The following ZNF385B variants were observed in gnomAD, a reference collection of about 807,000 sequenced individuals.
ZNF385B encodes zinc finger protein 385B, also known as zinc finger protein 533.
Under a neutral mutation model 39.2 loss-of-function variants are expected in ZNF385B, and 23 were observed. That is an observed-to-expected ratio of 0.59 (90% CI 0.42 to 0.83). The LOEUF is 0.83. Ranked by LOEUF, ZNF385B falls within the 40% of genes least tolerant of loss-of-function variation. The probability of loss-of-function intolerance (pLI) is 0.00; values close to 1 mark genes in which losing one functional copy is unlikely to be tolerated. For synonymous variants in ZNF385B, 205 were observed against 222.6 expected, an observed-to-expected ratio of 0.92 and a Z score of 0.70; for missense variants, 552 against 598.9, an observed-to-expected ratio of 0.92 and a Z score of 0.82.
chr2:179,495,685 T>C (rs2056129629), intron 5 of ZNF385B, among the ~76,000 whole-genome samples: 1 of 152,088 alleles, frequency 6.6e-6, no homozygotes, highest in Non-Finnish European at 1.5e-5. Flanking sequence ...TTGGGAGAAA[T>C]TAAGGGAAAA....
intron 1 of ZNF385B, among the ~76,000 whole-genome samples, chr2:179,850,983 ACCAGTAATTTG>A (rs1177718105): frequency 6.6e-6 from 1 of 152,218 alleles, no homozygotes; most frequent in Non-Finnish European, 1.5e-5. Context: ...TTGCCATGTG[ACCAGTAATTTG>A]CCTCTTAAGA....
intron 1 of ZNF385B, among the ~76,000 whole-genome samples, chr2:179,783,873 G>A (rs1277161491): frequency 6.6e-6 from 1 of 152,138 alleles, no homozygotes; most frequent in Non-Finnish European, 1.5e-5. Context: ...TACTGTTGCT[G>A]GGAGGGTAAA....
intron 3 of ZNF385B, among the ~76,000 whole-genome samples, chr2:179,557,552 TATAC>T: frequency 1.8e-5 from 2 of 114,124 alleles, no homozygotes; most frequent in Non-Finnish European, 3.7e-5. Context: ...ATATAACATA[TATAC>T]ATGTTATATA....
At chr2:179,805,899 T>C (rs951727243) in intron 1 of ZNF385B, among the ~76,000 whole-genome samples, 2 of 152,206 alleles carry the variant, frequency 1.3e-5, no homozygotes, top group African/African-American at 2.4e-5. Context: ...CTCTAACTTA[T>C]TATGCTAGAC....
Position 179,493,773 on chromosome 2 carries a change from A to ATATACATATGTGTATACATATG in ZNF385B, c.553-10340_553-10339insCATATGTATACACATATGTATA, listed in dbSNP as rs1553572737. 5.4e-5 allele frequency among the ~76,000 whole-genome samples: 4 copies of ATATACATATGTGTATACATATG among 73,940 alleles called. No individual in the cohort carries two copies. In the East Asian group the frequency reaches 1.4e-3, roughly 26 times the overall value. 48.5% of individuals were successfully genotyped at this position (73,940 alleles called of 152,430 possible). A position where few individuals can be genotyped will look rare whatever the true frequency, so the allele number is the denominator to read the frequency against. Reference sequence around the variant, plus strand: ...TGTATATACATATATGTATACATATATGTATATACACATATGTATACATAT... The same window carrying ATATACATATGTGTATACATATG: ...TGTATATACATATATGTATACATATATATACATATGTGTATACATATGTGTATATACACATATGTATACATAT... On this transcript the variant is annotated intron_variant, in intron 5 of 9. Transcript: ENST00000410066.
chr2:179,595,371 G>A (rs1687911042), intron 3 of ZNF385B, among the ~76,000 whole-genome samples: 1 of 152,096 alleles, frequency 6.6e-6, no homozygotes, highest in Admixed American at 6.5e-5. Context: ...TTCCTGTAAA[G>A]CTTAAAAACT....
Position 179,629,459 on chromosome 2 carries a change from T to C in ZNF385B, c.299-84490A>G, listed in dbSNP as rs796494143. On this transcript the variant is annotated intron_variant, in intron 3 of 9. Coordinates refer to ENST00000410066, the MANE Select transcript of ZNF385B (RefSeq NM_152520.6). Reference sequence around the variant, plus strand: ...CTACACTGTATGCATCCCTTATATATGAATAGAGCATTGGGCAAATTCAGA... The same window carrying C: ...CTACACTGTATGCATCCCTTATATACGAATAGAGCATTGGGCAAATTCAGA... 5.5e-5 allele frequency among the ~76,000 whole-genome samples: 8 copies of C among 145,372 alleles called. 1 individual carries two copies. The highest frequency in any genetic ancestry group is 1.9e-4 in the African/African-American group (8 of 41,354).
chr2:179,634,565 G>A (rs1418126014), intron 3 of ZNF385B, among the ~76,000 whole-genome samples: 1 of 152,234 alleles, frequency 6.6e-6, no homozygotes, highest in African/African-American at 2.4e-5. Context: ...AGATGCTGGA[G>A]AGGATGTGGA....
intron 1 of ZNF385B, among the ~76,000 whole-genome samples, chr2:179,824,994 T>C (rs1707601930): frequency 1.3e-5 from 2 of 152,126 alleles, no homozygotes; most frequent in Admixed American, 6.5e-5. Context: ...AGCAAAGAAA[T>C]AGTTCAATTT....
Position 179,778,040 on chromosome 2 carries a change from G to GT in ZNF385B, c.-154-7369dup, listed in dbSNP as rs201584603. Among the ~76,000 whole-genome samples, 1,223 of 152,056 alleles carry GT rather than the reference G, an allele frequency of 8.0e-3. 21 individuals carry two copies. The highest frequency in any genetic ancestry group is 0.027 in the African/African-American group (1,114 of 41,478). On this transcript the variant is annotated intron_variant, in intron 1 of 9. Transcript: ENST00000410066. ...CCCACCTCAGCCTCCCTGTCAAGAG[G>GT]TTTTTTTTAATCATAGAATTGGGCT...
intron 5 of ZNF385B, among the ~76,000 whole-genome samples, chr2:179,490,884 C>T (rs913442816): frequency 6.6e-6 from 1 of 152,148 alleles, no homozygotes; most frequent in South Asian, 2.1e-4. Context: ...GTGATCTGAA[C>T]ACAAATCTTT....
At chr2:179,504,206 T>A (rs2057034751) in intron 5 of ZNF385B, among the ~76,000 whole-genome samples, 1 of 152,062 alleles carries the variant, frequency 6.6e-6, no homozygotes, top group Non-Finnish European at 1.5e-5. Flanking sequence ...GGACATGAAC[T>A]CATCATTTTT....
intron 4 of ZNF385B, among the ~76,000 whole-genome samples, chr2:179,542,486 A>G (rs1218444814): frequency 6.6e-6 from 1 of 152,170 alleles, no homozygotes; most frequent in Non-Finnish European, 1.5e-5. Flanking sequence ...CTATTAATAT[A>G]ATTATTCTTT....
intron 3 of ZNF385B, among the ~76,000 whole-genome samples, chr2:179,592,520 C>T (rs1334214650): frequency 6.6e-6 from 1 of 152,028 alleles, no homozygotes; most frequent in Non-Finnish European, 1.5e-5. Flanking sequence ...GTCTTTACCA[C>T]AGCAGGAACT....
At chr2:179,518,472 C>A in intron 5 of ZNF385B, 56 bp downstream of exon 5, 1 of 1,225,066 alleles carries the variant, frequency 8.2e-7, no homozygotes, top group South Asian at 1.3e-5. Flanking sequence ...GTATTTAGAT[C>A]AATCAGACTT....
At chr2:179,669,791 A>G (rs1240187588) in intron 3 of ZNF385B, among the ~76,000 whole-genome samples, 1 of 152,220 alleles carries the variant, frequency 6.6e-6, no homozygotes, top group Non-Finnish European at 1.5e-5. Flanking sequence ...GAACATTTCC[A>G]AACTTCTTTT....
At chr2:179,777,043 G>A (rs1021649684) in intron 1 of ZNF385B, among the ~76,000 whole-genome samples, 1 of 151,750 alleles carries the variant, frequency 6.6e-6, no homozygotes. Flanking sequence ...TTCAGCTTCA[G>A]CCAAAAGCTG....
chr2:179,524,185 A>G (rs991084951), intron 4 of ZNF385B, among the ~76,000 whole-genome samples: 1 of 152,276 alleles, frequency 6.6e-6, no homozygotes, highest in Admixed American at 6.5e-5. Flanking sequence ...GTAGGCATTT[A>G]TTACTTATCC....
chr2:179,576,075 T>A, intron 3 of ZNF385B: 3 of 934,126 alleles, frequency 3.2e-6, no homozygotes, highest in Non-Finnish European at 3.8e-6. Flanking sequence ...GCCCCGTACC[T>A]CTCCTTTTCT....
Sources: allele counts gnomAD v4.1 joint callset (sites outside exome capture counted in the v4.1 genomes callset), GRCh38; gene constraint gnomAD v4.1.1; transcripts MANE v1.5; gene names NCBI Gene and HGNC (gene_info 2026-07-23, HGNC 2026-07-21).